The following GABRB3 variants were observed in gnomAD, a reference collection of about 807,000 sequenced individuals.
The protein encoded by GABRB3 is gamma-aminobutyric acid type A receptor subunit beta3.
Under a neutral mutation model 52.1 loss-of-function variants are expected in GABRB3, and 14 were observed. The observed-to-expected ratio is 0.27, with a 90% CI of 0.18 to 0.42. The LOEUF (loss-of-function observed/expected upper bound fraction) is 0.42, where lower values mean the gene tolerates loss of function less well. Ranked by LOEUF, GABRB3 falls within the 10% of genes least tolerant of loss-of-function variation. The probability of loss-of-function intolerance (pLI) is 1.00; values close to 1 mark genes in which losing one functional copy is unlikely to be tolerated. For synonymous variants in GABRB3, 260 were observed against 232.3 expected, an observed-to-expected ratio of 1.12 and a Z score of -1.08; for missense variants, 307 against 609.1, an observed-to-expected ratio of 0.50 and a Z score of 5.22.
At chr15:26,749,775 G>T (rs1890452423) in intron 3 of GABRB3, among the ~76,000 whole-genome samples, 1 of 152,122 alleles carries the variant, frequency 6.6e-6, no homozygotes, top group Admixed American at 6.5e-5. Context: ...TTGTTTGTTT[G>T]TGTGTCTGTC....
intron 3 of GABRB3, among the ~76,000 whole-genome samples, chr15:26,639,291 C>T (rs375180884): frequency 1.3e-5 from 2 of 148,162 alleles, no homozygotes; most frequent in African/African-American, 5.0e-5. Context: ...CCCCCTGTAT[C>T]TGTGAATTCT....
At chr15:26,720,085 C>G (rs1889602426) in intron 3 of GABRB3, among the ~76,000 whole-genome samples, 1 of 152,150 alleles carries the variant, frequency 6.6e-6, no homozygotes, top group South Asian at 2.1e-4. Context: ...TTGTGAAATT[C>G]TTTCTCCTGG....
At chr15:26,560,197 T>TA (rs1889926556) in intron 8 of GABRB3, among the ~76,000 whole-genome samples, 1 of 152,168 alleles carries the variant, frequency 6.6e-6, no homozygotes, top group African/African-American at 2.4e-5. Flanking sequence ...TAATATTGGT[T>TA]TTATAGGAAA....
chr15:26,558,370 G>A (rs1889834418), intron 8 of GABRB3, among the ~76,000 whole-genome samples: 1 of 152,138 alleles, frequency 6.6e-6, no homozygotes, highest in Admixed American at 6.5e-5. Context: ...CCTCTGCCAG[G>A]TCTATGGGCA....
chr15:26,667,749 C>T lies in GABRB3; in HGVS notation c.241-46215G>A, dbSNP rs191813257. Reference sequence around the variant, plus strand: ...CTTGTTAGAAATGCACATTCTTGGGCCTCATCCCAGACCAGTTTATTCAGA... The same window carrying T: ...CTTGTTAGAAATGCACATTCTTGGGTCTCATCCCAGACCAGTTTATTCAGA... On this transcript the variant is annotated intron_variant, in intron 3 of 8. Transcript: ENST00000311550. Among the ~76,000 whole-genome samples, 343 of 152,204 alleles carry T rather than the reference C, an allele frequency of 2.3e-3. 2 individuals are homozygous for T. The highest frequency in any genetic ancestry group is 7.8e-3 in the African/African-American group (322 of 41,510).
At chr15:26,639,325 C>T (rs550029141) in intron 3 of GABRB3, among the ~76,000 whole-genome samples, 36 of 140,400 alleles carry the variant, frequency 2.6e-4, no homozygotes, top group African/African-American at 8.5e-4. Context: ...AAACCAAGCT[C>T]GGATGGAAAA....
intron 3 of GABRB3, among the ~76,000 whole-genome samples, chr15:26,683,508 T>C (rs1888304448): frequency 6.6e-6 from 1 of 152,186 alleles, no homozygotes; most frequent in Non-Finnish European, 1.5e-5. Context: ...GGTTGGTGAA[T>C]GAATCAATGG....
intron 3 of GABRB3, chr15:26,666,483 A>T (rs1887715594): frequency 6.6e-6 from 1 of 152,202 alleles, no homozygotes; most frequent in Admixed American, 6.5e-5. Context: ...CAGGCTTGTC[A>T]CGAGCCATTG....
At chr15:26,699,323 TAACGTAACTGTGTCAAAGAAC>T (rs1888849914) in intron 3 of GABRB3, among the ~76,000 whole-genome samples, 2 of 152,100 alleles carry the variant, frequency 1.3e-5, no homozygotes, top group African/African-American at 4.8e-5. Flanking sequence ...TGTTTCCAAG[TAACGTAACTGTGTCAAAGAAC>T]AAAGCGCAAG....
chr15:26,548,699 G>A (rs749436866), intron 8 of GABRB3, among the ~76,000 whole-genome samples: 15 of 152,270 alleles, frequency 9.9e-5, no homozygotes, highest in Non-Finnish European at 1.9e-4. Context: ...GTTCTGGCAG[G>A]AGACTTCTTT....
At chr15:26,618,057 G>A (rs1351044719) in intron 4 of GABRB3, among the ~76,000 whole-genome samples, 1 of 152,122 alleles carries the variant, frequency 6.6e-6, no homozygotes, top group Non-Finnish European at 1.5e-5. Context: ...TCATGGGCAG[G>A]AAGAATCAGT....
upstream of GABRB3, among the ~76,000 whole-genome samples, chr15:26,773,245 C>G (rs1245336118): frequency 3.3e-5 from 5 of 149,958 alleles, no homozygotes; most frequent in Non-Finnish European, 7.4e-5. Flanking sequence ...TCGCCTCGGC[C>G]CGAGGCCGGG....
At position 26,773,037 on chromosome 15, in the gene GABRB3, T is replaced by G; in HGVS notation, c.-75A>C. 9.8e-7 allele frequency: 1 copy of G among 1,022,086 alleles called. No individual in the cohort carries two copies. 63.3% of individuals were successfully genotyped at this position (1,022,086 alleles called of 1,614,324 possible). A position where few individuals can be genotyped will look rare whatever the true frequency, so the allele number is the denominator to read the frequency against. On this transcript the variant is annotated 5_prime_UTR_variant, in exon 1 of 9. Transcript: ENST00000311550. The stretch of plus-strand genomic sequence containing the variant: ...GACCCGCAGCCGGGGCTGCTCCTGC[T>G]GCTGCCGCCGCCGCCGCCGCCGCCG...
intron 4 of GABRB3, among the ~76,000 whole-genome samples, chr15:26,596,723 T>G (rs1891407798): frequency 6.6e-6 from 1 of 152,174 alleles, no homozygotes; most frequent in Non-Finnish European, 1.5e-5. Flanking sequence ...ATATATAATC[T>G]GTTACTATAT....
intron 6 of GABRB3, among the ~76,000 whole-genome samples, chr15:26,573,257 A>G (rs1029359684): frequency 4.6e-5 from 7 of 152,186 alleles, no homozygotes; most frequent in Non-Finnish European, 2.9e-5. Context: ...TTTATTATCT[A>G]TCTTTTACTT....
intron 3 of GABRB3, among the ~76,000 whole-genome samples, chr15:26,632,040 G>A (rs1336094086): frequency 6.6e-6 from 1 of 152,202 alleles, no homozygotes; most frequent in Non-Finnish European, 1.5e-5. Context: ...AGCTTTGGAA[G>A]CGAACGTGCC....
At chr15:26,768,715 T>A (rs1891063333) in intron 3 of GABRB3, among the ~76,000 whole-genome samples, 1 of 152,080 alleles carries the variant, frequency 6.6e-6, no homozygotes, top group Non-Finnish European at 1.5e-5. Context: ...TTTTATAGAT[T>A]ATCTAAAATT....
rs1889221523 is a variant in GABRB3 at position 26,545,943 on chromosome 15, T to G, written c.*1850A>C. 6.6e-6 allele frequency: 1 copy of G among 152,608 alleles called. No individual in the cohort carries two copies. The highest frequency in any genetic ancestry group is 1.5e-5 in the Non-Finnish European group (1 of 68,050). 9.5% of individuals were successfully genotyped at this position (152,608 alleles called of 1,614,324 possible). On this transcript the variant is annotated 3_prime_UTR_variant, in exon 9 of 9. Transcript: ENST00000311550. ...TATCTGATGGTGGGTTTTGAACTGTTGCAGATGCCCACAAATTAAAGGTTG... is the reference window on the plus strand; with the variant it reads ...TATCTGATGGTGGGTTTTGAACTGTGGCAGATGCCCACAAATTAAAGGTTG...
chr15:26,653,051 T>G (rs1286616615), intron 3 of GABRB3, among the ~76,000 whole-genome samples: 1 of 152,194 alleles, frequency 6.6e-6, no homozygotes, highest in Non-Finnish European at 1.5e-5. Context: ...CCATCTTGCT[T>G]CCAACCTCCA....
Sources: gnomAD v4.1 joint callset for allele counts (sites outside exome capture counted in the v4.1 genomes callset) on GRCh38, gnomAD v4.1.1 for gene constraint, MANE v1.5 for transcripts, NCBI Gene and HGNC (gene_info 2026-07-23, HGNC 2026-07-21) for gene names.